LRRD1: variants seen among roughly 807,000 people sequenced by gnomAD.
LRRD1 encodes the protein leucine rich repeats and death domain containing 1, also known as leucine-rich repeat and death domain-containing protein 1.
LRRD1 carries 49 observed loss-of-function variants against 69.5 expected under a neutral mutation model. That is an observed-to-expected ratio of 0.70 (90% CI 0.56 to 0.89). LRRD1 has a LOEUF of 0.89. Among genes scored for constraint, LRRD1 ranks in the 40% least tolerant of loss-of-function variants. LRRD1 has a pLI of 0.00. For missense variants in LRRD1, 853 were observed against 956.0 expected, an observed-to-expected ratio of 0.89 and a Z score of 1.42; for synonymous variants, 303 against 338.9, an observed-to-expected ratio of 0.89 and a Z score of 1.16.
At chr7:92,149,645 G>T (rs753672975) in intron 4 of LRRD1, among the ~76,000 whole-genome samples, 2 of 152,212 alleles carry the variant, frequency 1.3e-5, no homozygotes, top group African/African-American at 4.8e-5. Context: ...GTCATAGTGG[G>T]ACTGACTGCC....
intron 1 of LRRD1, among the ~76,000 whole-genome samples, chr7:92,174,509 A>ATATATATATATTTT (rs1563195877): frequency 7.8e-5 from 1 of 12,870 alleles, no homozygotes. Flanking sequence ...ATATATATAT[A>ATATATATATATTTT]TTTTTTTTTT....
chr7:92,162,708 C>CA (rs1200499825), intron 2 of LRRD1, among the ~76,000 whole-genome samples: 42 of 152,074 alleles, frequency 2.8e-4, no homozygotes, highest in African/African-American at 9.4e-4. Context: ...TTCCTAAATG[C>CA]ATAACAAGAG....
intron 2 of LRRD1, 39 bp from the exon 3 acceptor site, chr7:92,159,242 A>C: frequency 8.2e-7 from 1 of 1,225,656 alleles, no homozygotes; most frequent in Non-Finnish European, 1.1e-6. Flanking sequence ...TTATAAATAC[A>C]TACATATTTG....
intron 1 of LRRD1, among the ~76,000 whole-genome samples, chr7:92,170,114 AAGGAAGGAAGGAAGGG>A: frequency 6.7e-6 from 1 of 149,920 alleles, no homozygotes; most frequent in East Asian, 2.0e-4. Flanking sequence ...GAGAGAGAGG[AAGGAAGGAAGGAAGGG>A]AGGAAGGAAG....
chr7:92,174,747 A>G (rs1789156342), intron 1 of LRRD1, among the ~76,000 whole-genome samples: 1 of 151,300 alleles, frequency 6.6e-6, no homozygotes, highest in African/African-American at 2.4e-5. Flanking sequence ...TAAAACTTTA[A>G]GTTTTGAAGG....
chr7:92,143,325 G>A (rs1243926260), downstream of LRRD1, among the ~76,000 whole-genome samples: 4 of 152,048 alleles, frequency 2.6e-5, no homozygotes, highest in Admixed American at 6.5e-5. Context: ...CGCACCCACC[G>A]GGGCCGCAGG....
intron 1 of LRRD1, among the ~76,000 whole-genome samples, chr7:92,176,109 T>C (rs1380080814): frequency 2.6e-5 from 4 of 152,226 alleles, no homozygotes; most frequent in Non-Finnish European, 5.9e-5. Context: ...AGGATAAGTA[T>C]GTCAAGTTCC....
In LRRD1 at chr7:92,164,226, T is replaced by G; in HGVS notation, c.977A>C (p.Lys326Thr). ...SSLPKEIREL[K>T]NLETLLMDHN... is the part of the protein sequence containing the mutation. ...ATCCATTAAAAGTGTTTCTAAATTTTTAAGCTCTCTAATTTCTTTTGGCAA... is the reference window on the plus strand; with the variant it reads ...ATCCATTAAAAGTGTTTCTAAATTTGTAAGCTCTCTAATTTCTTTTGGCAA... Residue 326 changes from lysine (K) to threonine (T), a missense_variant, in exon 2 of 6, where the codon AAA (lysine) becomes ACA (threonine). This residue lies in a region of LRRD1 where 739 missense variants were observed against 808.0 expected (regional missense o/e 0.91). Transcript: ENST00000458448. 1 of 1,549,768 alleles carries G rather than the reference T, an allele frequency of 6.5e-7. No homozygotes were observed.
At chr7:92,171,050 A>T (rs1180343990) in intron 1 of LRRD1, among the ~76,000 whole-genome samples, 1 of 152,204 alleles carries the variant, frequency 6.6e-6, no homozygotes, top group Non-Finnish European at 1.5e-5. Context: ...CAAAAGCAGT[A>T]TTAAGAGGGA....
chr7:92,166,164 G>T (rs1788904534), intron 1 of LRRD1, among the ~76,000 whole-genome samples: 2 of 152,216 alleles, frequency 1.3e-5, no homozygotes, highest in South Asian at 4.1e-4. Flanking sequence ...CCACTCCTCA[G>T]AGGTCTGGGT....
intron 4 of LRRD1, among the ~76,000 whole-genome samples, chr7:92,147,817 G>A (rs527680642): frequency 3.3e-4 from 50 of 151,936 alleles, no homozygotes; most frequent in African/African-American, 9.7e-4. Context: ...CCACAGCCTC[G>A]ACCTCCCAGG....
chr7:92,174,510 T>TATA (rs1491100533), intron 1 of LRRD1, among the ~76,000 whole-genome samples: 207 of 12,576 alleles, frequency 0.016, 4 homozygotes, highest in South Asian at 0.035. Context: ...TATATATATA[T>TATA]TTTTTTTTTT....
intron 5 of LRRD1, among the ~76,000 whole-genome samples, chr7:92,145,464 C>CA (rs1247345561): frequency 2.5e-5 from 3 of 121,990 alleles, no homozygotes; most frequent in Admixed American, 9.8e-5. Context: ...TTTTTTTAGA[C>CA]AGAGTCTTGC....
chr7:92,154,929 T>G (rs1584653918), intron 3 of LRRD1, among the ~76,000 whole-genome samples: 1 of 152,210 alleles, frequency 6.6e-6, no homozygotes, highest in South Asian at 2.1e-4. Flanking sequence ...ACCCACAAAT[T>G]TAATGCCTTT....
intron 1 of LRRD1, among the ~76,000 whole-genome samples, chr7:92,166,177 C>T (rs911561649): frequency 2.6e-5 from 4 of 152,188 alleles, no homozygotes; most frequent in Non-Finnish European, 5.9e-5. Context: ...GTCTGGGTCC[C>T]AGCTCTGTAA....
Position 92,164,822 on chromosome 7 carries a change from T to G in LRRD1, c.381A>C (p.Pro127=), listed in dbSNP as rs1788870082. ...GTTTCTGATTTTCTTCAGAGACTTGTGGACTAACTTCTCCTACTGTTTCAT... is the reference window on the plus strand; with the variant it reads ...GTTTCTGATTTTCTTCAGAGACTTGGGGACTAACTTCTCCTACTGTTTCAT... ...LSHETVGEVS[P]QVSEENQKQL... is the part of the protein sequence containing the mutation. Residue 127 remains proline (P), a synonymous_variant, in exon 2 of 6, where the codon CCA becomes CCC. Transcript: ENST00000458448. 7.7e-6 allele frequency: 12 copies of G among 1,551,636 alleles called. No homozygotes were observed. The highest frequency in any genetic ancestry group is 8.7e-6 in the Non-Finnish European group (10 of 1,146,936).
intron 1 of LRRD1, among the ~76,000 whole-genome samples, chr7:92,168,660 GAAAAAAA>G (rs61001338): frequency 1.0e-5 from 1 of 96,980 alleles, no homozygotes; most frequent in African/African-American, 3.6e-5. Context: ...ACTGAGTGGA[GAAAAAAA>G]AAAAAAAAAG....
chr7:92,153,391 G>A (rs1788568889), intron 3 of LRRD1, among the ~76,000 whole-genome samples: 1 of 151,768 alleles, frequency 6.6e-6, no homozygotes, highest in Non-Finnish European at 1.5e-5. Flanking sequence ...CATTCATATA[G>A]CTTCTTAGTA....
rs1407609879 is a variant in LRRD1 at position 92,144,971 on chromosome 7, G to C, written c.2500C>G (p.Arg834Gly). Reference sequence around the variant, plus strand: ...TATGCTCCTATCATAGTTAGTGCTCGAATTAGTTGATCTCTTAAAGCAGCA... The same window carrying C: ...TATGCTCCTATCATAGTTAGTGCTCCAATTAGTTGATCTCTTAAAGCAGCA... The part of the protein sequence containing the change: ...TAAALRDQLI[R>G]ALTMIGAYEI... The change falls in exon 6 of 6, where the codon CGA becomes GGA. Residue 834 changes from arginine to glycine, a missense_variant. Arg to Gly is a moderately radical substitution (Grantham distance 125, BLOSUM62 -2). Transcript: ENST00000458448. The C allele has an allele frequency of 3.2e-6, 5 of 1,545,286 alleles. No individual in the cohort carries two copies. Among genetic ancestry groups the C allele is most frequent in the Admixed American group, 2.0e-5 (1 of 50,840 alleles).
Sources: allele counts gnomAD v4.1 joint callset (sites outside exome capture counted in the v4.1 genomes callset), GRCh38; gene constraint gnomAD v4.1.1; regional missense constraint gnomAD v4.1.1; transcripts MANE v1.5; gene names NCBI Gene and HGNC (gene_info 2026-07-23, HGNC 2026-07-21).